FER1L6: variants seen among roughly 807,000 people sequenced by gnomAD.
FER1L6 encodes the protein fer-1-like protein 6.
Under a neutral mutation model 219.2 loss-of-function variants are expected in FER1L6, and 177 were observed. That is an observed-to-expected ratio of 0.81 (90% confidence interval 0.71 to 0.91). The LOEUF (loss-of-function observed/expected upper bound fraction) is 0.91, where lower values mean the gene tolerates loss of function less well. FER1L6 is among the 40% of genes least tolerant of loss of function. FER1L6 has a pLI of 0.00. For synonymous variants in FER1L6, 768 were observed against 824.3 expected, an observed-to-expected ratio of 0.93 and a Z score of 1.17; for missense variants, 2,153 against 2,259.9, an observed-to-expected ratio of 0.95 and a Z score of 0.96.
intron 37 of FER1L6, 110 bp downstream of exon 37, chr8:124,097,993 G>A (rs976303681): frequency 3.5e-6 from 2 of 568,040 alleles, no homozygotes; most frequent in South Asian, 2.7e-5. Flanking sequence ...CCCACAAAGT[G>A]AGCCATCTTA....
rs1047549012 is a variant in FER1L6, at chr8:123,861,862, C to T, written c.-8+9677C>T. On this transcript the variant is annotated intron_variant, in intron 1 of 40. Coordinates refer to ENST00000522917, the MANE Select transcript of FER1L6 (RefSeq NM_001039112.2). ...AGACTTTGCTGAAGTTGCTTATCAG[C>T]TTAAGGAGATTTGGGGCTGAGACGA... Among the ~76,000 whole-genome samples, 7 of 137,762 alleles carry T rather than the reference C, an allele frequency of 5.1e-5. 1 individual carries two copies. The highest frequency in any genetic ancestry group is 2.0e-4 in the African/African-American group (7 of 34,766). The allele number at this position is 137,762 out of a possible 152,430, so 90.4% of individuals were successfully genotyped here.
chr8:123,864,965 C>A lies in FER1L6; in HGVS notation c.-8+12780C>A, dbSNP rs189756575. On this transcript the variant is annotated intron_variant, in intron 1 of 40. Coordinates refer to ENST00000522917, the MANE Select transcript of FER1L6 (RefSeq NM_001039112.2). ...CTCAGAGTAATTTGATCGTCTGAAGCCTTCCTCTCTCAGCTCCTCAAAATC... is the reference window on the plus strand; with the variant it reads ...CTCAGAGTAATTTGATCGTCTGAAGACTTCCTCTCTCAGCTCCTCAAAATC... Among the ~76,000 whole-genome samples the A allele has an allele frequency of 1.1e-4, 17 of 151,352 alleles. 1 individual carries two copies. The highest frequency in any genetic ancestry group is 3.7e-4 in the African/African-American group (15 of 40,632).
chr8:124,043,980 G>A (rs115654067), intron 20 of FER1L6, among the ~76,000 whole-genome samples: 87 of 152,316 alleles, frequency 5.7e-4, no homozygotes, highest in African/African-American at 1.9e-3. Context: ...ACTGTGCCTA[G>A]CACATTGTAG....
intron 37 of FER1L6, among the ~76,000 whole-genome samples, chr8:124,099,267 C>T (rs1416084781): frequency 2.0e-5 from 3 of 152,186 alleles, no homozygotes; most frequent in Non-Finnish European, 2.9e-5. Context: ...TTCTTGACAA[C>T]TCCTGTTCCC....
chr8:123,973,613 A>G (rs950783122), intron 7 of FER1L6, 101 bp downstream of exon 7: 6 of 857,086 alleles, frequency 7.0e-6, no homozygotes, highest in African/African-American at 4.9e-5. Context: ...CATTCATTCA[A>G]TAACACTGAG....
chr8:123,986,948 T>C (rs567569207), intron 12 of FER1L6, among the ~76,000 whole-genome samples: 2 of 152,260 alleles, frequency 1.3e-5, no homozygotes, highest in African/African-American at 2.4e-5. Flanking sequence ...TTCCAAATCC[T>C]AGCTATTGTA....
chr8:123,946,313 G>A (rs4871446), intron 1 of FER1L6, among the ~76,000 whole-genome samples: 34,229 of 152,116 alleles, frequency 0.23, 4,716 homozygotes, highest in East Asian at 0.41. Flanking sequence ...ATGCAGTGGG[G>A]AGATCTTGGC....
chr8:124,060,691 G>C lies in FER1L6; in HGVS notation c.3129G>C (p.Gln1043His). ...AGAACAACCCGAACTTCAGCATCCA[G>C]GCAGACGCTTTCGAAGTGGTGCGAG... ...SYKNNPNFSI[Q>H]ADAFEVELPE... Residue 1043 changes from glutamine (Q) to histidine (H), a missense_variant, in exon 24 of 41, where the codon CAG (glutamine) becomes CAC (histidine). Transcript: ENST00000522917. 1.2e-6 allele frequency: 2 copies of C among 1,613,998 alleles called. No individual in the cohort carries two copies. Among genetic ancestry groups the C allele is most frequent in the Non-Finnish European group, 1.7e-6 (2 of 1,179,884 alleles).
chr8:124,029,124 G>A (rs756688450), intron 18 of FER1L6, among the ~76,000 whole-genome samples: 3 of 152,246 alleles, frequency 2.0e-5, no homozygotes, highest in South Asian at 2.1e-4. Context: ...CTTTTTTATG[G>A]CTGCATAGTA....
chr8:123,853,095 C>T lies in FER1L6; in HGVS notation c.-8+910C>T, dbSNP rs1009601281. On this transcript the variant is annotated intron_variant, in intron 1 of 40. Transcript: ENST00000522917. The surrounding 1 kb of genome is among the most constrained non-coding windows in gnomAD (Gnocchi z 6.6). ...CTGGGCTCAAGCGATCCTCCTGCCT[C>T]AGCCTTCCAAAGTGCTCGGATTACG... 1.3e-5 allele frequency among the ~76,000 whole-genome samples: 2 copies of T among 152,218 alleles called. No homozygotes were observed. Among genetic ancestry groups the T allele is most frequent in the African/African-American group, 4.8e-5 (2 of 41,446 alleles).
At position 124,119,982 on chromosome 8, in the gene FER1L6, G is replaced by C; in HGVS notation, c.*192G>C. On this transcript the variant is annotated 3_prime_UTR_variant, in exon 41 of 41. Transcript: ENST00000522917. The stretch of plus-strand genomic sequence containing the variant: ...TGCCTCCAAGTTTCAAACTTGTAAG[G>C]CATGTTTTATCCCTTGGGCAGCATG... 1.8e-6 allele frequency: 1 copy of C among 545,268 alleles called. No homozygotes were observed. Among genetic ancestry groups the C allele is most frequent in the African/African-American group, 1.9e-5 (1 of 52,830 alleles). 33.8% of individuals were successfully genotyped at this position (545,268 alleles called of 1,614,324 possible).
chr8:123,886,236 A>G (rs779680000), intron 1 of FER1L6, among the ~76,000 whole-genome samples: 2 of 152,010 alleles, frequency 1.3e-5, no homozygotes, highest in Non-Finnish European at 1.5e-5. Context: ...CCCCACCTAC[A>G]CTCAAGTGGA....
intron 1 of FER1L6, among the ~76,000 whole-genome samples, chr8:123,868,406 G>T (rs532180415): frequency 6.6e-6 from 1 of 152,104 alleles, no homozygotes; most frequent in Non-Finnish European, 1.5e-5. Flanking sequence ...GACTCAAAGC[G>T]GGCCTCTTGC....
At chr8:123,884,004 A>AT (rs1286929290) in intron 1 of FER1L6, among the ~76,000 whole-genome samples, 5 of 152,098 alleles carry the variant, frequency 3.3e-5, no homozygotes, top group African/African-American at 9.7e-5. Flanking sequence ...GTTTTTTCAT[A>AT]TTTTTTAAGT....
In FER1L6 at chr8:123,895,922, G is replaced by C. The variant is rs1812734419; in HGVS notation, c.-8+43737G>C. ...ATGAGGAGATCAGTATAAACAGGAGGGACAATAGGGATGGATTATTGGCCT... is the reference window on the plus strand; with the variant it reads ...ATGAGGAGATCAGTATAAACAGGAGCGACAATAGGGATGGATTATTGGCCT... On this transcript the variant is annotated intron_variant, in intron 1 of 40. Transcript: ENST00000522917. Among the ~76,000 whole-genome samples the C allele has an allele frequency of 4.6e-5, 7 of 152,134 alleles. No individual in the cohort carries two copies. The South Asian group carries it at 1.5e-3, about 32-fold the overall frequency.
In FER1L6 at chr8:124,003,008, CATT is replaced by C. The variant is rs149095567; in HGVS notation, c.1520-158_1520-156del. Among the ~76,000 whole-genome samples, 1,012 of 152,224 alleles carry C rather than the reference CATT, an allele frequency of 6.6e-3. 3 individuals carry two copies. The highest frequency in any genetic ancestry group is 0.02 in the Middle Eastern group (6 of 294). On this transcript the variant is annotated intron_variant, in intron 12 of 40. Transcript: ENST00000522917. Reference sequence around the variant, plus strand: ...ATGGATAGAGATGATAGCTCATCATCATTGTCAGTCTTGTTGGTCTGATCATTG... The same window carrying C: ...ATGGATAGAGATGATAGCTCATCATCGTCAGTCTTGTTGGTCTGATCATTG...
chr8:124,086,483 CTA>C (rs1180174775), intron 33 of FER1L6, among the ~76,000 whole-genome samples: 13 of 150,938 alleles, frequency 8.6e-5, no homozygotes, highest in Admixed American at 3.3e-4. Flanking sequence ...GATGAAAACT[CTA>C]TATTTTCACT....
chr8:123,967,334 A>C (rs1249770798), intron 5 of FER1L6, among the ~76,000 whole-genome samples: 1 of 152,162 alleles, frequency 6.6e-6, no homozygotes, highest in Non-Finnish European at 1.5e-5. Context: ...TTCACAAAAC[A>C]ATGTATCTTG....
rs142329888 is a variant in FER1L6, at chr8:124,048,699, T to C, written c.2725-908T>C. 3.5e-3 allele frequency among the ~76,000 whole-genome samples: 528 copies of C among 152,368 alleles called. 3 individuals carry two copies. The highest frequency in any genetic ancestry group is 0.012 in the African/African-American group (511 of 41,594). ...CTATGCAAAGCCTATACTACATTCCTTTAGTTCTCATGATCCTATGGAAAG... is the reference window on the plus strand; with the variant it reads ...CTATGCAAAGCCTATACTACATTCCCTTAGTTCTCATGATCCTATGGAAAG... On this transcript the variant is annotated intron_variant, in intron 21 of 40. Transcript: ENST00000522917.
Sources: allele counts gnomAD v4.1 joint callset (sites outside exome capture counted in the v4.1 genomes callset), GRCh38; gene constraint gnomAD v4.1.1; non-coding constraint Gnocchi (gnomAD v3.1); transcripts MANE v1.5; gene names NCBI Gene and HGNC (gene_info 2026-07-23, HGNC 2026-07-21).